The following DNAH17 variants were observed in gnomAD, a reference collection of about 807,000 sequenced individuals.
The protein encoded by DNAH17 is axonemal beta dynein heavy chain 17.
A neutral mutation model predicts 485.6 loss-of-function variants in DNAH17; 376 were observed. The observed-to-expected ratio is 0.77, with a 90% CI of 0.71 to 0.84. The LOEUF (loss-of-function observed/expected upper bound fraction) is 0.84, where lower values mean the gene tolerates loss of function less well. Ranked by LOEUF, DNAH17 falls within the 40% of genes least tolerant of loss-of-function variation. DNAH17 has a pLI of 0.00. For missense variants in DNAH17, 6,370 were observed against 5,839.3 expected (o/e 1.09, Z -2.96); for synonymous variants, 3,031 against 2,405.9 (o/e 1.26, Z -7.60).
intron 41 of DNAH17, chr17:78,493,143 G>A (rs755052035): frequency 2.3e-5 from 4 of 171,216 alleles, no homozygotes; most frequent in Non-Finnish European, 3.8e-5. Context: ...GAGCCGCTGC[G>A]CCCGGCCCTG....
Position 78,484,997 on chromosome 17 carries a change from C to CT in DNAH17, c.7519dup (p.Arg2507LysfsTer9). Reference sequence around the variant, plus strand: ...CTTAGTGCCTGGCGGCCCGTAGTTCCTCCCCGATTTCTTCTCCAGCGGCTT... The same window carrying CT: ...CTTAGTGCCTGGCGGCCCGTAGTTCCTTCCCCGATTTCTTCTCCAGCGGCTT... On this transcript the variant is annotated frameshift_variant, in exon 48 of 81. Coordinates refer to ENST00000389840, the MANE Select transcript of DNAH17 (RefSeq NM_173628.4). LOFTEE classifies it high-confidence loss of function. The CT allele has an allele frequency of 6.2e-7, 1 of 1,613,216 alleles. No homozygotes were observed.
intron 25 of DNAH17, among the ~76,000 whole-genome samples, chr17:78,522,050 G>A (rs185942612): frequency 6.6e-6 from 1 of 152,280 alleles, no homozygotes; most frequent in African/African-American, 2.4e-5. Flanking sequence ...GAAAAGACAA[G>A]TTACAGACTA....
intron 62 of DNAH17, among the ~76,000 whole-genome samples, chr17:78,456,226 G>C (rs1442208210): frequency 1.3e-5 from 2 of 152,228 alleles, no homozygotes; most frequent in African/African-American, 4.8e-5. Context: ...TTGAACCCGG[G>C]AGGCGGAGGT....
chr17:78,565,101 A>C (rs1171346134), intron 11 of DNAH17, among the ~76,000 whole-genome samples: 1 of 152,134 alleles, frequency 6.6e-6, no homozygotes, highest in African/African-American at 2.4e-5. Flanking sequence ...CCCTCTAAGT[A>C]ATTTTCTATC....
chr17:78,430,129 G>C (rs777880564), intron 75 of DNAH17, among the ~76,000 whole-genome samples: 2 of 152,274 alleles, frequency 1.3e-5, no homozygotes, highest in Non-Finnish European at 2.9e-5. Flanking sequence ...GCTCATGGGC[G>C]GCCTCGCCAT....
rs748191163 is a variant in DNAH17, at chr17:78,561,927, C to T, written c.1623G>A (p.Val541=). 2.5e-6 allele frequency: 4 copies of T among 1,613,280 alleles called. No homozygotes were observed. Among genetic ancestry groups the T allele is most frequent in the Non-Finnish European group, 3.4e-6 (4 of 1,179,664 alleles). ...CCAGCATGACTGAATACCTGGGCGC[C>T]ACCTCGGCAAGAATCAGGGGCCGCT... ...LMERPLILAE[V]APRYSVMLEL... The change falls in exon 12 of 81, where the codon GTG becomes GTA. Residue 541 remains valine (V), a synonymous_variant. Transcript: ENST00000389840.
At chr17:78,428,246 G>C (rs2086547349) in intron 77 of DNAH17, 1 of 485,866 alleles carries the variant, frequency 2.1e-6, no homozygotes, top group Admixed American at 3.3e-5. Context: ...AAGACTGCAG[G>C]GTGGAGGGCT....
chr17:78,526,201 A>G lies in DNAH17; in HGVS notation c.3711+450T>C, dbSNP rs565118941. ...CTTGGACAGTGGGAACAGAGTGGGA[A>G]CACGAGTGAAGCCTGGCTGCTGCCC... On this transcript the variant is annotated intron_variant, in intron 24 of 80. Transcript: ENST00000389840. Among the ~76,000 whole-genome samples, 10 of 152,348 alleles carry G rather than the reference A, an allele frequency of 6.6e-5. No individual in the cohort carries two copies. In the East Asian group the frequency reaches 1.9e-3, roughly 29 times the overall value.
chr17:78,510,751 G>GCCAC (rs1555679579), intron 26 of DNAH17: 4 of 378,308 alleles, frequency 1.1e-5, no homozygotes, highest in South Asian at 3.8e-5. Flanking sequence ...CGGAATTGCG[G>GCCAC]CCCCCCCGCA....
chr17:78,504,369 T>G, intron 31 of DNAH17, among the ~76,000 whole-genome samples: 1 of 151,906 alleles, frequency 6.6e-6, no homozygotes, highest in Non-Finnish European at 1.5e-5. Context: ...CCGGCCAGAT[T>G]TTTCCTTTTA....
At position 78,500,459 on chromosome 17, in the gene DNAH17, C is replaced by A; in HGVS notation, c.5486G>T (p.Cys1829Phe). ...RLVITPLTDRCYITLTQSLHL... is the reference protein window; with the variant it reads ...RLVITPLTDRFYITLTQSLHL... The stretch of plus-strand genomic sequence containing the variant: ...GAGGGACTGGGTCAGGGTGATATAG[C>A]ACCTGCAAGTGACCACAGGTAAGCG... The change falls in exon 36 of 81, where the codon TGC becomes TTC. Residue 1829 changes from cysteine (C) to phenylalanine (F), a missense_variant and splice_region_variant. Physicochemically the swap from Cys to Phe is radical, Grantham distance 205. Transcript: ENST00000389840. 1 of 1,568,178 alleles carries A rather than the reference C, an allele frequency of 6.4e-7. No homozygotes were observed. The highest frequency in any genetic ancestry group is 8.6e-7 in the Non-Finnish European group (1 of 1,160,318).
At position 78,514,845 on chromosome 17, in the gene DNAH17, G is replaced by T. The variant is rs138375540; in HGVS notation, c.4042C>A (p.Arg1348Ser). 4 of 1,613,948 alleles carry T rather than the reference G, an allele frequency of 2.5e-6. No homozygotes were observed. The highest frequency in any genetic ancestry group is 2.2e-5 in the East Asian group (1 of 44,896). Residue 1348 changes from arginine to serine, a missense_variant, in exon 26 of 81, where the codon CGT becomes AGT. Arg to Ser is a moderately radical substitution (Grantham distance 110, BLOSUM62 -1). Coordinates refer to ENST00000389840, the MANE Select transcript of DNAH17 (RefSeq NM_173628.4). ...GGGTTCTGCAGCTCGCTCACGGCAC[G>T]CAGGGACGTGATCACGTTTTTCACG... ...NTVKNVITSL[R>S]AVSELQNPAI...
chr17:78,503,777 C>T (rs1304203723), intron 31 of DNAH17, among the ~76,000 whole-genome samples: 2 of 151,908 alleles, frequency 1.3e-5, no homozygotes, highest in Admixed American at 6.6e-5. Flanking sequence ...ACCAGCCTGG[C>T]CAACATGGTG....
At chr17:78,551,493 G>T (rs997117324) in intron 16 of DNAH17, 42 bp downstream of exon 16, 1 of 1,592,704 alleles carries the variant, frequency 6.3e-7, no homozygotes, top group African/African-American at 1.3e-5. Context: ...GGCAGCCCCA[G>T]GCCCCCACAA....
At chr17:78,572,094 T>TCA (rs1201886640) in intron 3 of DNAH17, among the ~76,000 whole-genome samples, 2 of 152,138 alleles carry the variant, frequency 1.3e-5, no homozygotes, top group African/African-American at 2.4e-5. Context: ...TCCCCTGGTG[T>TCA]CACCACCGGA....
intron 54 of DNAH17, 138 bp from the exon 55 acceptor site, chr17:78,469,021 T>C (rs1049360250): frequency 4.9e-5 from 54 of 1,112,142 alleles, no homozygotes; most frequent in African/African-American, 9.5e-5. Flanking sequence ...TGGAGTGCAA[T>C]GGCACAATCT....
At chr17:78,565,795 G>C (rs1421409871) in intron 11 of DNAH17, among the ~76,000 whole-genome samples, 2 of 152,084 alleles carry the variant, frequency 1.3e-5, no homozygotes, top group Non-Finnish European at 2.9e-5. Flanking sequence ...AGCAAAAATA[G>C]AAAAATTAGC....
chr17:78,533,415 C>T (rs1034655242), intron 19 of DNAH17, among the ~76,000 whole-genome samples: 1 of 152,154 alleles, frequency 6.6e-6, no homozygotes. Flanking sequence ...AAGCGGCTTT[C>T]CTGGCAACAG....
At chr17:78,518,197 C>A (rs1015981489) in intron 25 of DNAH17, among the ~76,000 whole-genome samples, 5 of 152,168 alleles carry the variant, frequency 3.3e-5, no homozygotes, top group African/African-American at 1.2e-4. Context: ...AAGCCAGAGA[C>A]TGGCAGAGTG....
Sources: gnomAD v4.1 joint callset for allele counts (sites outside exome capture counted in the v4.1 genomes callset) on GRCh38, gnomAD v4.1.1 for gene constraint, MANE v1.5 for transcripts, NCBI Gene and HGNC (gene_info 2026-07-23, HGNC 2026-07-21) for gene names.